Variants in DRC1 observed in about 807,000 individuals in gnomAD.
DRC1 encodes dynein regulatory complex protein 1.
DRC1 carries 74 observed loss-of-function variants against 98.7 expected under a neutral mutation model. The ratio of observed to expected loss-of-function variants is 0.75; its 90% CI spans 0.62 to 0.91. DRC1 has a LOEUF of 0.91. Ranked by LOEUF, DRC1 falls within the 40% of genes least tolerant of loss-of-function variation. The pLI is 0.00. For missense variants in DRC1, 875 were observed against 886.0 expected, an observed-to-expected ratio of 0.99 and a Z score of 0.16; for synonymous variants, 336 against 334.1, an observed-to-expected ratio of 1.01 and a Z score of -0.06.
chr2:26,450,059 C>G lies in DRC1; in HGVS notation c.1573C>G (p.Leu525Val). 1 of 1,613,698 alleles carries G rather than the reference C, an allele frequency of 6.2e-7. No individual in the cohort carries two copies. The highest frequency in any genetic ancestry group is 8.5e-7 in the Non-Finnish European group (1 of 1,179,926). Residue 525 changes from leucine to valine, a missense_variant, in exon 12 of 17, where the codon CTG becomes GTG. Leu to Val is a conservative substitution (Grantham distance 32). Transcript: ENST00000288710. ...LLPLEQNECY[L>V]LRLDAIFSAL... ...GCCCCTGGAGCAGAATGAATGCTATCTGCTGAGGCTGGATGCCATCTTCTC... is the reference window on the plus strand; with the variant it reads ...GCCCCTGGAGCAGAATGAATGCTATGTGCTGAGGCTGGATGCCATCTTCTC...
intron 16 of DRC1, 107 bp downstream of exon 16, chr2:26,455,340 G>A: frequency 9.7e-7 from 1 of 1,027,016 alleles, no homozygotes; most frequent in Non-Finnish European, 1.4e-6. Flanking sequence ...CAGAGGCAAG[G>A]GAGCTTTGTG....
chr2:26,454,994 C>T lies in DRC1; in HGVS notation c.2064-137C>T. 6 of 1,345,420 alleles carry T rather than the reference C, an allele frequency of 4.5e-6. No homozygotes were observed. The highest frequency in any genetic ancestry group is 1.2e-5 in the South Asian group (1 of 81,648). 83.3% of individuals were successfully genotyped at this position (1,345,420 alleles called of 1,614,324 possible). A position where few individuals can be genotyped will look rare whatever the true frequency, so the allele number is the denominator to read the frequency against. On this transcript the variant is annotated intron_variant, in intron 15 of 16. Transcript: ENST00000288710. The surrounding 1 kb of genome is among the most constrained non-coding windows in gnomAD (Gnocchi z 5.2). ...GTTCTGTTCCTGCTAACCTGGCTCACCTGGCGGCTGGGTGAAGAGTGTAGC... is the reference window on the plus strand; with the variant it reads ...GTTCTGTTCCTGCTAACCTGGCTCATCTGGCGGCTGGGTGAAGAGTGTAGC...
chr2:26,416,853 T>C (rs967296497), intron 2 of DRC1, among the ~76,000 whole-genome samples: 3 of 152,226 alleles, frequency 2.0e-5, no homozygotes, highest in African/African-American at 7.2e-5. Context: ...GGAGGTTTAA[T>C]TGGCTCATGG....
At chr2:26,424,590 T>C in intron 4 of DRC1, 136 bp downstream of exon 4, 1 of 921,542 alleles carries the variant, frequency 1.1e-6, no homozygotes, top group Non-Finnish European at 1.6e-6. Flanking sequence ...CAAGTCATGT[T>C]ATAAACTTTT....
At chr2:26,452,804 A>T (rs1664042661) in intron 13 of DRC1, among the ~76,000 whole-genome samples, 1 of 152,234 alleles carries the variant, frequency 6.6e-6, no homozygotes. Flanking sequence ...TTTGTAGTAT[A>T]GTATCATTGA....
At position 26,450,067 on chromosome 2, in the gene DRC1, G is replaced by T. The variant is rs145400360; in HGVS notation, c.1581G>T (p.Arg527Ser). Residue 527 changes from arginine to serine, a missense_variant, in exon 12 of 17, where the codon AGG becomes AGT. Arg to Ser is a moderately radical substitution (Grantham distance 110). Transcript: ENST00000288710. Reference sequence around the variant, plus strand: ...AGCAGAATGAATGCTATCTGCTGAGGCTGGATGCCATCTTCTCCGTGAGTC... The same window carrying T: ...AGCAGAATGAATGCTATCTGCTGAGTCTGGATGCCATCTTCTCCGTGAGTC... Reference protein sequence around the residue: ...PLEQNECYLLRLDAIFSALGI... With the variant: ...PLEQNECYLLSLDAIFSALGI... 4.9e-4 allele frequency: 790 copies of T among 1,613,362 alleles called. 2 individuals carry two copies. Among genetic ancestry groups the T allele is most frequent in the Non-Finnish European group, 2.9e-4 (346 of 1,179,866 alleles).
chr2:26,411,613 A>G (rs1361180185), intron 1 of DRC1, among the ~76,000 whole-genome samples: 1 of 152,186 alleles, frequency 6.6e-6, no homozygotes, highest in African/African-American at 2.4e-5. Flanking sequence ...ACTGGCCAAC[A>G]TGGTGAAACC....
At chr2:26,413,465 A>G (rs1011712770) in intron 1 of DRC1, among the ~76,000 whole-genome samples, 2 of 152,204 alleles carry the variant, frequency 1.3e-5, no homozygotes, top group African/African-American at 2.4e-5. Context: ...ATTCCCACCC[A>G]TGGAATGTGG....
chr2:26,404,526 T>C lies in DRC1; in HGVS notation c.155+2382T>C, dbSNP rs191283756. On this transcript the variant is annotated intron_variant, in intron 1 of 16. Coordinates refer to ENST00000288710, the MANE Select transcript of DRC1 (RefSeq NM_145038.5). ...CTTCTGGTAGTTGACAGTCACTTTC[T>C]AGGATCCAGTTTCTGCAGGTGCCAG... Among the ~76,000 whole-genome samples, 5 of 152,320 alleles carry C rather than the reference T, an allele frequency of 3.3e-5. No individual in the cohort carries two copies. In the East Asian group the frequency reaches 9.7e-4, roughly 29 times the overall value.
At chr2:26,436,260 A>G (rs1251764046) in intron 7 of DRC1, among the ~76,000 whole-genome samples, 2 of 151,806 alleles carry the variant, frequency 1.3e-5, no homozygotes, top group African/African-American at 4.8e-5. Context: ...GGCTGCATGT[A>G]TGCCTTCTTT....
At position 26,448,672 on chromosome 2, in the gene DRC1, C is replaced by T. The variant is rs1471829595; in HGVS notation, c.1397-19C>T. The T allele has an allele frequency of 6.2e-7, 1 of 1,611,890 alleles. No individual in the cohort carries two copies. The highest frequency in any genetic ancestry group is 2.2e-5 in the East Asian group (1 of 44,884). ...TATCTTCTTTTTCTTTCTCTCTCCT[C>T]CCCATGACCCAACTGCAGAAGAGGA... is the stretch of plus-strand genomic sequence containing the variant. On this transcript the variant is annotated intron_variant, in intron 10 of 16. Coordinates refer to ENST00000288710, the MANE Select transcript of DRC1 (RefSeq NM_145038.5).
chr2:26,429,553 G>A (rs1221709336), intron 4 of DRC1, 75 bp from the exon 5 acceptor site: 18 of 1,554,454 alleles, frequency 1.2e-5, no homozygotes, highest in Admixed American at 1.8e-5. Flanking sequence ...CTGGTGAGAG[G>A]AGTCTAGAGA....
rs77897642 is a variant in DRC1, at chr2:26,424,547, G to C, written c.540+93G>C. 0.01 allele frequency: 13,343 copies of C among 1,298,726 alleles called. 200 individuals are homozygous for C. Among genetic ancestry groups the C allele is most frequent in the Middle Eastern group, 0.067 (245 of 3,638 alleles). 80.5% of individuals were successfully genotyped at this position (1,298,726 alleles called of 1,614,324 possible). ...TGCTTTTCCTGAATGGAAAAATGTA[G>C]AAACCTTTTACTTCATTATTTAGAA... On this transcript the variant is annotated intron_variant, in intron 4 of 16. Transcript: ENST00000288710.
At chr2:26,434,904 AAG>A (rs1553342119) in intron 7 of DRC1, among the ~76,000 whole-genome samples, 1 of 151,478 alleles carries the variant, frequency 6.6e-6, no homozygotes, top group Non-Finnish European at 1.5e-5. Flanking sequence ...AAAAAAAAAA[AAG>A]AAAGAAAGCT....
chr2:26,405,033 A>G (rs996178919), intron 1 of DRC1, among the ~76,000 whole-genome samples: 4 of 152,158 alleles, frequency 2.6e-5, no homozygotes, highest in Non-Finnish European at 2.9e-5. Context: ...ATTACAATAT[A>G]TATTTGCCGT....
rs141347582 is a variant in DRC1 at position 26,444,317 on chromosome 2, G to A, written c.1124G>A (p.Arg375His). ...CAGTCTCTAACCTCGGACTACAAAC[G>A]TCTTGTGATGCAATTCAAGGAGCTA... ...ENQSLTSDYK[R>H]LVMQFKELQK... Residue 375 changes from arginine to histidine, a missense_variant, in exon 9 of 17, where the codon CGT becomes CAT. Transcript: ENST00000288710. 240 of 1,614,160 alleles carry A rather than the reference G, an allele frequency of 1.5e-4. 1 individual carries two copies. In the East Asian group the frequency reaches 3.9e-3, roughly 26 times the overall value.
At chr2:26,417,045 A>G (rs987812754) in intron 2 of DRC1, among the ~76,000 whole-genome samples, 3 of 152,176 alleles carry the variant, frequency 2.0e-5, no homozygotes, top group African/African-American at 7.2e-5. Flanking sequence ...GAACTCACTC[A>G]CTATCATGAG....
At chr2:26,425,644 T>C (rs1663263314) in intron 4 of DRC1, among the ~76,000 whole-genome samples, 1 of 152,222 alleles carries the variant, frequency 6.6e-6, no homozygotes, top group Non-Finnish European at 1.5e-5. Context: ...TCATTATGGT[T>C]TGGATTTGCA....
chr2:26,436,796 G>A (rs1288713972), intron 7 of DRC1, among the ~76,000 whole-genome samples: 1 of 152,212 alleles, frequency 6.6e-6, no homozygotes, highest in South Asian at 2.1e-4. Context: ...TGCAAGGCCA[G>A]GAGAAGAAGG....
Sources: gnomAD v4.1 joint callset for allele counts (sites outside exome capture counted in the v4.1 genomes callset) on GRCh38, gnomAD v4.1.1 for gene constraint, Gnocchi (gnomAD v3.1) non-coding constraint, MANE v1.5 for transcripts, NCBI Gene and HGNC (gene_info 2026-07-23, HGNC 2026-07-21) for gene names.